SLC14A2: variants seen among roughly 807,000 people sequenced by gnomAD.
SLC14A2 encodes the protein urea transporter 2.
SLC14A2 carries 91 observed loss-of-function variants against 104.6 expected under a neutral mutation model. That is an observed-to-expected ratio of 0.87 (90% CI 0.73 to 1.04). The LOEUF is 1.04. SLC14A2 is among the 50% of genes least tolerant of loss of function. The pLI, the probability that SLC14A2 is intolerant of heterozygous loss-of-function variation, is 0.00. For synonymous variants in SLC14A2, 476 were observed against 466.4 expected (o/e 1.02, Z -0.27); for missense variants, 1,189 against 1,156.0 (o/e 1.03, Z -0.41).
chr18:45,259,851 G>C (rs909012640), intron 1 of SLC14A2, among the ~76,000 whole-genome samples: 1 of 152,150 alleles, frequency 6.6e-6, no homozygotes, highest in African/African-American at 2.4e-5. Flanking sequence ...GAAGTAGATG[G>C]CAGGATTTGT....
At chr18:45,604,367 T>C (rs1191093212) in intron 2 of SLC14A2, among the ~76,000 whole-genome samples, 1 of 152,196 alleles carries the variant, frequency 6.6e-6, no homozygotes, top group East Asian at 1.9e-4. Context: ...ACATAATATT[T>C]ACCATTTTAA....
At chr18:45,220,355 A>G (rs1273425436) in intron 1 of SLC14A2, among the ~76,000 whole-genome samples, 2 of 152,220 alleles carry the variant, frequency 1.3e-5, no homozygotes, top group African/African-American at 4.8e-5. Context: ...GCAATCAGTT[A>G]TCAGGCCCTT....
chr18:45,340,409 T>C (rs1444950472), intron 1 of SLC14A2, among the ~76,000 whole-genome samples: 2 of 152,126 alleles, frequency 1.3e-5, no homozygotes, highest in African/African-American at 4.8e-5. Flanking sequence ...AGGAGACAAA[T>C]AGCTGCCATA....
chr18:45,445,677 C>A (rs1007778521), intron 1 of SLC14A2, among the ~76,000 whole-genome samples: 9 of 152,104 alleles, frequency 5.9e-5, no homozygotes, highest in African/African-American at 2.2e-4. Context: ...GTTAGTGGCC[C>A]AACAAGCTAC....
intron 18 of SLC14A2, among the ~76,000 whole-genome samples, chr18:45,674,744 A>G (rs2046199276): frequency 6.6e-6 from 1 of 152,202 alleles, no homozygotes; most frequent in Non-Finnish European, 1.5e-5. Flanking sequence ...TACTATTCGT[A>G]TTTTGCAAAC....
intron 1 of SLC14A2, among the ~76,000 whole-genome samples, chr18:45,220,945 T>G (rs2084055675): frequency 6.6e-6 from 1 of 152,220 alleles, no homozygotes; most frequent in Admixed American, 6.5e-5. Flanking sequence ...ACATTCCTGG[T>G]GTCTCTTTTC....
At chr18:45,467,518 A>G (rs913849361) in intron 1 of SLC14A2, among the ~76,000 whole-genome samples, 1 of 152,158 alleles carries the variant, frequency 6.6e-6, no homozygotes, top group Non-Finnish European at 1.5e-5. Context: ...TCACGTGCCC[A>G]TCTCTTCTCA....
At chr18:45,677,099 C>T (rs3861805) in intron 18 of SLC14A2, among the ~76,000 whole-genome samples, 127,139 of 152,272 alleles carry the variant, frequency 0.83, 53,173 homozygotes, top group Non-Finnish European at 0.85. Context: ...CCAGGCAGGC[C>T]GCATGTCTCA....
intron 1 of SLC14A2, among the ~76,000 whole-genome samples, chr18:45,401,585 A>T (rs1036714349): frequency 6.6e-6 from 1 of 152,240 alleles, no homozygotes; most frequent in African/African-American, 2.4e-5. Flanking sequence ...ATTTCATTAT[A>T]AGTGCAAAAG....
chr18:45,469,602 G>T (rs1372580966), intron 1 of SLC14A2, among the ~76,000 whole-genome samples: 1 of 152,226 alleles, frequency 6.6e-6, no homozygotes, highest in Non-Finnish European at 1.5e-5. Context: ...GTTAGTGCCA[G>T]TGTGGTGTAA....
At chr18:45,670,986 T>C (rs572365972) in intron 16 of SLC14A2, among the ~76,000 whole-genome samples, 1 of 152,284 alleles carries the variant, frequency 6.6e-6, no homozygotes, top group South Asian at 2.1e-4. Context: ...GTTAGTCGGA[T>C]CCTTGATCAT....
intron 1 of SLC14A2, among the ~76,000 whole-genome samples, chr18:45,288,953 C>G (rs1168673350): frequency 6.6e-6 from 1 of 152,134 alleles, no homozygotes; most frequent in African/African-American, 2.4e-5. Flanking sequence ...TGAAGGAGCC[C>G]CACGGCTCTT....
intron 1 of SLC14A2, among the ~76,000 whole-genome samples, chr18:45,257,582 A>G (rs896820538): frequency 6.6e-6 from 1 of 152,222 alleles, no homozygotes; most frequent in Non-Finnish European, 1.5e-5. Flanking sequence ...TAGAAATTAC[A>G]ATATGGTTAA....
chr18:45,244,299 T>G (rs1264236713), intron 1 of SLC14A2, among the ~76,000 whole-genome samples: 1 of 152,100 alleles, frequency 6.6e-6, no homozygotes, highest in Non-Finnish European at 1.5e-5. Flanking sequence ...TGTCTATGAA[T>G]AGTTATTTCA....
At chr18:45,241,093 G>C (rs1352436656) in intron 1 of SLC14A2, among the ~76,000 whole-genome samples, 2 of 152,186 alleles carry the variant, frequency 1.3e-5, no homozygotes, top group African/African-American at 4.8e-5. Context: ...ACAGGAAAAG[G>C]AACAGCATGG....
the SLC14A2 span, among the ~76,000 whole-genome samples, chr18:45,180,395 G>A: frequency 2.3e-4 from 35 of 152,030 alleles, 1 homozygote; most frequent in East Asian, 2.1e-3. Flanking sequence ...TGACCATGCA[G>A]GTATTTGTTG....
chr18:45,629,917 T>G (rs545828609), intron 4 of SLC14A2, among the ~76,000 whole-genome samples: 1 of 152,308 alleles, frequency 6.6e-6, no homozygotes, highest in East Asian at 1.9e-4. Flanking sequence ...AGTTAAGTAC[T>G]TTTGCTTCTG....
intron 1 of SLC14A2, among the ~76,000 whole-genome samples, chr18:45,234,672 C>T (rs558585825): frequency 6.6e-6 from 1 of 152,186 alleles, no homozygotes; most frequent in Non-Finnish European, 1.5e-5. Flanking sequence ...CACCACAAAT[C>T]AAGCATGCTT....
Position 45,342,675 on chromosome 18 carries a change from T to C in SLC14A2, c.-125+129484T>C, listed in dbSNP as rs528512893. On this transcript the variant is annotated intron_variant, in intron 1 of 20. Coordinates refer to the SLC14A2 transcript ENST00000586448. ...ATGTTTGTTTGCACCACAATATTGA[T>C]GACTAGGATGGAGAAATTCAACTAT... Among the ~76,000 whole-genome samples the C allele has an allele frequency of 2.0e-5, 3 of 152,342 alleles. No individual in the cohort carries two copies. The South Asian group carries it at 6.2e-4, about 32-fold the overall frequency.
Sources: allele counts gnomAD v4.1 joint callset (sites outside exome capture counted in the v4.1 genomes callset), GRCh38; gene constraint gnomAD v4.1.1; transcripts MANE v1.5; gene names NCBI Gene and HGNC (gene_info 2026-07-23, HGNC 2026-07-21).